NBPF11: variants seen among roughly 807,000 people sequenced by gnomAD.
NBPF11 encodes NBPF family member NBPF11.
In NBPF11, 72 loss-of-function variants were observed where a neutral mutation model predicts 93.9. The observed-to-expected ratio is 0.77, with a 90% confidence interval of 0.63 to 0.93. The LOEUF is 0.93. NBPF11 is among the 40% of genes least tolerant of loss of function. The pLI is 0.00. For synonymous variants in NBPF11, 224 were observed against 304.9 expected, an observed-to-expected ratio of 0.73 and a Z score of 2.76; for missense variants, 705 against 802.2, an observed-to-expected ratio of 0.88 and a Z score of 1.46.
chr1:148,135,150 T>G (rs1671071424), intron 4 of NBPF11: 1 of 146,122 alleles, frequency 6.8e-6, no homozygotes, highest in African/African-American at 2.8e-5. Flanking sequence ...GGCTCTGATA[T>G]TCTGTGACTC....
intron 1 of NBPF11, among the ~76,000 whole-genome samples, chr1:148,144,373 T>G (rs1672657232): frequency 6.6e-6 from 1 of 150,978 alleles, no homozygotes; most frequent in Non-Finnish European, 1.5e-5. Flanking sequence ...CTATACAAGC[T>G]ATTTTATTTG....
At chr1:148,117,387 C>T (rs3992659) in intron 12 of NBPF11, among the ~76,000 whole-genome samples, 185 bp downstream of exon 12, 5 of 150,152 alleles carry the variant, frequency 3.3e-5, no homozygotes, top group African/African-American at 7.4e-5. Context: ...ACTTGCAATA[C>T]TGTGACCTCC....
chr1:148,115,134 CA>C (rs1247839285), intron 14 of NBPF11, among the ~76,000 whole-genome samples: 13 of 101,538 alleles, frequency 1.3e-4, no homozygotes, highest in Admixed American at 5.2e-4. Flanking sequence ...CACTGCACTC[CA>C]GCCTAGGTGA....
At chr1:148,126,011 G>C (rs1319495328) in intron 5 of NBPF11, among the ~76,000 whole-genome samples, 3 of 151,858 alleles carry the variant, frequency 2.0e-5, no homozygotes, top group South Asian at 2.1e-4. Context: ...CTTTTTGTTT[G>C]TTTGTTTTTT....
At chr1:148,120,476 G>A (rs1400413980) in intron 10 of NBPF11, 25 bp downstream of exon 10, 142 of 901,012 alleles carry the variant, frequency 1.6e-4, no homozygotes, top group African/African-American at 5.3e-4. Flanking sequence ...CATCACTTTC[G>A]TGATGGTGAG....
chr1:148,138,719 T>G (rs1202075624), intron 2 of NBPF11, among the ~76,000 whole-genome samples: 1 of 151,530 alleles, frequency 6.6e-6, no homozygotes, highest in African/African-American at 2.4e-5. Flanking sequence ...AGAATTTTTC[T>G]TAGTACAGAA....
At chr1:148,115,502 C>G (rs1666294913) in intron 14 of NBPF11, among the ~76,000 whole-genome samples, 2 of 151,260 alleles carry the variant, frequency 1.3e-5, no homozygotes, top group Non-Finnish European at 2.9e-5. Context: ...TCACAGATGA[C>G]AAGAGATACT....
chr1:148,110,337 C>A (rs1664950718), intron 16 of NBPF11, 41 bp downstream of exon 16: 14 of 1,570,508 alleles, frequency 8.9e-6, no homozygotes, highest in Non-Finnish European at 1.2e-5. Context: ...CTACCTGGGC[C>A]ATGAACTGGA....
chr1:148,136,743 G>A (rs1371298546), intron 3 of NBPF11, among the ~76,000 whole-genome samples: 3 of 151,936 alleles, frequency 2.0e-5, no homozygotes, highest in South Asian at 2.1e-4. Context: ...TTCTATGCCT[G>A]TCCCATCATT....
intron 1 of NBPF11, among the ~76,000 whole-genome samples, chr1:148,150,397 C>T (rs56363642): frequency 0.13 from 19,260 of 150,118 alleles, 1,387 homozygotes; most frequent in East Asian, 0.27. Context: ...ATCTACCACG[C>T]CCAGATCACC....
chr1:148,149,495 G>A, intron 1 of NBPF11: 4 of 1,592,908 alleles, frequency 2.5e-6, no homozygotes, highest in Non-Finnish European at 2.5e-6. Context: ...CAACGACATC[G>A]AGCTCTACAG....
At chr1:148,115,480 C>T (rs1666286721) in intron 14 of NBPF11, among the ~76,000 whole-genome samples, 2 of 151,106 alleles carry the variant, frequency 1.3e-5, no homozygotes, top group South Asian at 2.1e-4. Flanking sequence ...TGTTCAGGGA[C>T]AGATGACTAA....
At position 148,150,223 on chromosome 1, in the gene NBPF11, C is replaced by T. The variant is rs1349350220; in HGVS notation, c.-549+1527G>A. 2.1e-3 allele frequency among the ~76,000 whole-genome samples: 311 copies of T among 146,066 alleles called. 3 individuals carry two copies. The highest frequency in any genetic ancestry group is 9.4e-3 in the South Asian group (44 of 4,686). ...CCAGAGTGCACTGGCACGATCACTGCTCACTGCAATCTCAACCTCCCAGGC... is the reference window on the plus strand; with the variant it reads ...CCAGAGTGCACTGGCACGATCACTGTTCACTGCAATCTCAACCTCCCAGGC... On this transcript the variant is annotated intron_variant, in intron 1 of 23. Transcript: ENST00000682118.
At chr1:148,115,113 C>T (rs1175602034) in intron 14 of NBPF11, among the ~76,000 whole-genome samples, 1 of 102,390 alleles carries the variant, frequency 9.8e-6, no homozygotes, top group African/African-American at 4.4e-5. Context: ...TGCACCAAGT[C>T]AAGATGGTGC....
At chr1:148,126,748 A>G in intron 5 of NBPF11, 81 bp downstream of exon 5, 1 of 1,254,732 alleles carries the variant, frequency 8.0e-7, no homozygotes, top group Non-Finnish European at 1.2e-6. Flanking sequence ...AAGTACAGGA[A>G]GGATGAAATT....
chr1:148,141,344 A>G (rs1672134212), intron 2 of NBPF11, among the ~76,000 whole-genome samples: 2 of 152,060 alleles, frequency 1.3e-5, no homozygotes, highest in South Asian at 4.1e-4. Flanking sequence ...ATTGTAACGA[A>G]TGGACCACAC....
chr1:148,105,335 A>G, intron 22 of NBPF11, 25 bp downstream of exon 22: 2 of 756,418 alleles, frequency 2.6e-6, no homozygotes, highest in East Asian at 4.9e-5. Context: ...GTGGATCCTT[A>G]TCACCTTCAT....
At chr1:148,138,926 A>G (rs1671767096) in intron 2 of NBPF11, among the ~76,000 whole-genome samples, 1 of 151,406 alleles carries the variant, frequency 6.6e-6, no homozygotes, top group African/African-American at 2.4e-5. Context: ...CCCTGTCTCT[A>G]CCAAAAATAC....
intron 1 of NBPF11, chr1:148,146,695 T>G: frequency 6.2e-7 from 1 of 1,611,892 alleles, no homozygotes; most frequent in Non-Finnish European, 8.5e-7. Flanking sequence ...CCGTGTCTCC[T>G]GCATGTATGT....
Sources: gnomAD v4.1 joint callset for allele counts (sites outside exome capture counted in the v4.1 genomes callset) on GRCh38, gnomAD v4.1.1 for gene constraint, MANE v1.5 for transcripts, NCBI Gene and HGNC (gene_info 2026-07-23, HGNC 2026-07-21) for gene names.